PI4KA: variants seen among roughly 807,000 people sequenced by gnomAD.
The protein encoded by PI4KA is phosphatidylinositol 4-kinase alpha, also known as PI4-kinase alpha.
A neutral mutation model predicts 271.4 loss-of-function variants in PI4KA; 122 were observed. The observed-to-expected ratio is 0.45, with a 90% confidence interval of 0.39 to 0.52. The LOEUF is 0.52. Among genes scored for constraint, PI4KA ranks in the 20% least tolerant of loss-of-function variants. PI4KA has a pLI of 0.00. For synonymous variants in PI4KA, 1,041 were observed against 1,078.8 expected, an observed-to-expected ratio of 0.96 and a Z score of 0.69; for missense variants, 1,969 against 2,769.1, an observed-to-expected ratio of 0.71 and a Z score of 6.48.
At chr22:20,831,433 G>C (rs541497477) in intron 3 of PI4KA, among the ~76,000 whole-genome samples, 3 of 152,136 alleles carry the variant, frequency 2.0e-5, no homozygotes, top group Admixed American at 2.0e-4. Flanking sequence ...TGGGCATGGT[G>C]GTGTGTGCCT....
At chr22:20,735,717 A>G (rs1258144023) in intron 32 of PI4KA, among the ~76,000 whole-genome samples, 1 of 152,246 alleles carries the variant, frequency 6.6e-6, no homozygotes, top group African/African-American at 2.4e-5. Flanking sequence ...CAGGATGGCC[A>G]GGAGCCGACG....
chr22:20,708,278 G>A lies in PI4KA; in HGVS notation c.6258-180C>T, dbSNP rs8136747. Among the ~76,000 whole-genome samples, 4,396 of 152,246 alleles carry A rather than the reference G, an allele frequency of 0.029. 206 individuals carry two copies. The highest frequency in any genetic ancestry group is 0.099 in the African/African-American group (4,105 of 41,522). On this transcript the variant is annotated intron_variant, in intron 54 of 54. Coordinates refer to ENST00000255882, the MANE Select transcript of PI4KA (RefSeq NM_058004.4). ...CCACATCTCCTGCTCCAACCCGGGGGACTCCGAGGCCACCTCATGCTCCTC... is the reference window on the plus strand; with the variant it reads ...CCACATCTCCTGCTCCAACCCGGGGAACTCCGAGGCCACCTCATGCTCCTC...
intron 10 of PI4KA, among the ~76,000 whole-genome samples, chr22:20,806,059 G>A (rs1935635553): frequency 6.6e-6 from 1 of 152,106 alleles, no homozygotes; most frequent in Non-Finnish European, 1.5e-5. Context: ...GGTGGGGAGG[G>A]CAGGGGTAAT....
intron 47 of PI4KA, 58 bp from the exon 48 acceptor site, chr22:20,713,448 G>T: frequency 7.4e-7 from 1 of 1,344,222 alleles, no homozygotes; most frequent in Non-Finnish European, 1.0e-6. Flanking sequence ...CCCTCTGAGG[G>T]GGCCAGGGAT....
At chr22:20,820,729 T>C (rs2147699488) in intron 4 of PI4KA, 118 bp from the exon 5 acceptor site, 3 of 690,728 alleles carry the variant, frequency 4.3e-6, no homozygotes, top group Middle Eastern at 3.1e-4. Context: ...CCATATATGA[T>C]ACATCCCTCC....
At chr22:20,810,229 G>A (rs571297930) in intron 9 of PI4KA, among the ~76,000 whole-genome samples, 13 of 152,094 alleles carry the variant, frequency 8.5e-5, no homozygotes, top group Non-Finnish European at 1.5e-4. Flanking sequence ...AGTTCCAGCC[G>A]GGCATGGTGG....
intron 17 of PI4KA, 65 bp from the exon 18 acceptor site, chr22:20,796,379 TGCAGGGG>T: frequency 6.7e-7 from 1 of 1,497,532 alleles, no homozygotes; most frequent in Non-Finnish European, 9.2e-7. Context: ...GGGACGGCAC[TGCAGGGG>T]TGAGGCGAGC....
intron 42 of PI4KA, 165 bp from the exon 43 acceptor site, chr22:20,721,583 T>C: frequency 1.5e-6 from 1 of 674,178 alleles, no homozygotes; most frequent in Non-Finnish European, 2.5e-6. Flanking sequence ...GTCCAGCCAG[T>C]GGCCAGGCCA....
chr22:20,841,877 G>A lies in PI4KA; in HGVS notation c.157-3146C>T, dbSNP rs547864737. On this transcript the variant is annotated intron_variant, in intron 1 of 54. Transcript: ENST00000255882. ...TGCTCCCTTTGAAAATGAAGGAAGG[G>A]GCCAGAAATCAAGGAATGTGGGCAG... Among the ~76,000 whole-genome samples the A allele has an allele frequency of 6.6e-5, 10 of 152,144 alleles. No individual in the cohort carries two copies. In the South Asian group the frequency reaches 2.1e-3, roughly 32 times the overall value.
At chr22:20,818,574 T>C (rs754088930) in intron 6 of PI4KA, 25 bp from the exon 7 acceptor site, 1 of 1,513,808 alleles carries the variant, frequency 6.6e-7, no homozygotes, top group Non-Finnish European at 8.8e-7. Context: ...CACAGTTACA[T>C]ATCAGAAAAG....
At position 20,820,600 on chromosome 22, in the gene PI4KA, C is replaced by G; in HGVS notation, c.468G>C (p.Val156=). Reference sequence around the variant, plus strand: ...AGAGGACATGCAAAACCTGCAAAAGCACCTCTAAAATCTGTAACAGTCAAG... The same window carrying G: ...AGAGGACATGCAAAACCTGCAAAAGGACCTCTAAAATCTGTAACAGTCAAG... ...DPSLRDEILE[V]LLQVLHVLLG... is the part of the protein sequence containing the mutation. Residue 156 remains valine, a synonymous_variant, in exon 5 of 55, where the codon GTG becomes GTC. Transcript: ENST00000255882. The G allele has an allele frequency of 6.2e-7, 1 of 1,607,018 alleles. No homozygotes were observed. Among genetic ancestry groups the G allele is most frequent in the Non-Finnish European group, 8.5e-7 (1 of 1,174,882 alleles).
intron 39 of PI4KA, among the ~76,000 whole-genome samples, chr22:20,728,296 C>T (rs1297963243): frequency 1.3e-5 from 2 of 152,112 alleles, no homozygotes; most frequent in Admixed American, 1.3e-4. Flanking sequence ...CAGGTGACGG[C>T]TAAATGTTCT....
intron 6 of PI4KA, 69 bp downstream of exon 6, chr22:20,819,572 G>A (rs910083862): frequency 1.5e-5 from 21 of 1,401,982 alleles, no homozygotes; most frequent in Non-Finnish European, 2.0e-5. Context: ...CAAAGAAGAG[G>A]GATTTTCTTC....
rs529088493 is a variant in PI4KA at position 20,712,711 on chromosome 22, C to T, written c.5658G>A (p.Val1886=). The T allele has an allele frequency of 6.4e-7, 1 of 1,550,392 alleles. No individual in the cohort carries two copies. The highest frequency in any genetic ancestry group is 1.4e-5 in the African/African-American group (1 of 72,738). ...AACTTACCCCAGGGGCAGTGGCCAC[C>T]ACGCGGTAGGGAAAAACAAAGAGGT... is the stretch of plus-strand genomic sequence containing the variant. ...GLDLFVFPYR[V]VATAPGCGVI... The change falls in exon 49 of 55, where the codon GTG becomes GTA. Residue 1886 remains valine (V), a synonymous_variant. Transcript: ENST00000255882.
intron 4 of PI4KA, among the ~76,000 whole-genome samples, chr22:20,822,259 C>T (rs1376723769): frequency 1.3e-5 from 2 of 152,110 alleles, no homozygotes; most frequent in South Asian, 2.1e-4. Flanking sequence ...GCTGCCCAAG[C>T]TAGTCTCAAA....
intron 9 of PI4KA, among the ~76,000 whole-genome samples, chr22:20,810,508 C>CAA (rs780553411): frequency 4.3e-5 from 5 of 115,150 alleles, no homozygotes; most frequent in Admixed American, 9.3e-5. Context: ...GACTCCATCT[C>CAA]AAAAAAAAAA....
chr22:20,831,272 A>G (rs906229973), intron 3 of PI4KA, among the ~76,000 whole-genome samples: 2 of 151,928 alleles, frequency 1.3e-5, no homozygotes, highest in South Asian at 2.1e-4. Context: ...TTCTTTAACA[A>G]TGCTGAATAT....
At position 20,764,953 on chromosome 22, in the gene PI4KA, G is replaced by A. The variant is rs1174334835; in HGVS notation, c.2575-3C>T. 1.2e-6 allele frequency: 2 copies of A among 1,601,972 alleles called. No homozygotes were observed. The highest frequency in any genetic ancestry group is 1.7e-6 in the Non-Finnish European group (2 of 1,171,064). ...CTGCGGAGCTCACTCAGCTCAGCCT[G>A]GAGGGAGAGAAACATCCGAGGGCTC... On this transcript the variant is annotated splice_polypyrimidine_tract_variant and splice_region_variant and intron_variant, in intron 21 of 54. Coordinates refer to ENST00000255882, the MANE Select transcript of PI4KA (RefSeq NM_058004.4).
chr22:20,758,138 G>A (rs1456612025), intron 23 of PI4KA, among the ~76,000 whole-genome samples: 1 of 151,894 alleles, frequency 6.6e-6, no homozygotes, highest in East Asian at 1.9e-4. Flanking sequence ...GGCCGAGGCG[G>A]GCGGATCACG....
Sources: gnomAD v4.1 joint callset for allele counts (sites outside exome capture counted in the v4.1 genomes callset) on GRCh38, gnomAD v4.1.1 for gene constraint, MANE v1.5 for transcripts, NCBI Gene and HGNC (gene_info 2026-07-23, HGNC 2026-07-21) for gene names.